Variants in CALD1 observed in about 807,000 individuals in gnomAD.
The protein encoded by CALD1 is caldesmon 1.
In CALD1, 33 loss-of-function variants were observed where a neutral mutation model predicts 99.9. The ratio of observed to expected loss-of-function variants is 0.33; its 90% CI spans 0.25 to 0.44. The LOEUF (loss-of-function observed/expected upper bound fraction) is 0.44, where lower values mean the gene tolerates loss of function less well. Among genes scored for constraint, CALD1 ranks in the 20% least tolerant of loss-of-function variants. The pLI, the probability that CALD1 is intolerant of heterozygous loss-of-function variation, is 1.00. For missense variants in CALD1, 861 were observed against 962.1 expected (o/e 0.89, Z 1.39); for synonymous variants, 310 against 325.0 (o/e 0.95, Z 0.50).
chr7:134,789,010 G>A (rs1387966739), intron 1 of CALD1, among the ~76,000 whole-genome samples: 1 of 125,032 alleles, frequency 8.0e-6, no homozygotes, highest in African/African-American at 3.1e-5. Context: ...GTGAGACCCT[G>A]TCTCAGAAAA....
intron 1 of CALD1, among the ~76,000 whole-genome samples, chr7:134,797,257 T>C (rs945340243): frequency 3.9e-5 from 6 of 152,220 alleles, no homozygotes; most frequent in South Asian, 2.1e-4. Context: ...TGTGCTGAGA[T>C]TACAGGCCTG....
At chr7:134,828,762 A>G (rs1338705406) in intron 1 of CALD1, among the ~76,000 whole-genome samples, 1 of 152,202 alleles carries the variant, frequency 6.6e-6, no homozygotes, top group Non-Finnish European at 1.5e-5. Flanking sequence ...CAACACTTGG[A>G]GAAAAGTAGC....
intron 1 of CALD1, among the ~76,000 whole-genome samples, chr7:134,797,897 G>T (rs558156775): frequency 6.6e-6 from 1 of 152,176 alleles, no homozygotes; most frequent in Non-Finnish European, 1.5e-5. Context: ...TGGCCAAATT[G>T]TTTATTTGTA....
chr7:134,802,654 A>T (rs907450129), intron 1 of CALD1, among the ~76,000 whole-genome samples: 1 of 152,216 alleles, frequency 6.6e-6, no homozygotes, highest in African/African-American at 2.4e-5. Context: ...CTTACCTTAA[A>T]TGTGCTCAGA....
intron 3 of CALD1, among the ~76,000 whole-genome samples, chr7:134,879,879 C>T (rs973770797): frequency 9.9e-5 from 15 of 152,148 alleles, no homozygotes; most frequent in African/African-American, 3.6e-4. Flanking sequence ...TAACTCCCTA[C>T]ATCACATACA....
At chr7:134,888,993 T>C (rs1446203100) in intron 3 of CALD1, among the ~76,000 whole-genome samples, 1 of 152,064 alleles carries the variant, frequency 6.6e-6, no homozygotes, top group Non-Finnish European at 1.5e-5. Context: ...TTTTTCTAGG[T>C]TTTTCCATTT....
intron 3 of CALD1, among the ~76,000 whole-genome samples, chr7:134,888,334 G>T (rs1320221615): frequency 1.3e-5 from 2 of 152,176 alleles, no homozygotes; most frequent in South Asian, 4.1e-4. Flanking sequence ...TGGTGCCAAT[G>T]AATAGTCATT....
intron 1 of CALD1, among the ~76,000 whole-genome samples, chr7:134,825,243 C>T (rs926091334): frequency 1.3e-5 from 2 of 152,028 alleles, no homozygotes; most frequent in African/African-American, 4.8e-5. Context: ...AGATGATGGC[C>T]AAGTTTATTA....
intron 1 of CALD1, among the ~76,000 whole-genome samples, chr7:134,842,563 C>A (rs571778743): frequency 6.6e-6 from 1 of 152,228 alleles, no homozygotes; most frequent in South Asian, 2.1e-4. Flanking sequence ...AAATCTGGGT[C>A]TTCTTGTTAG....
At chr7:134,740,272 T>C (rs1252681642), upstream of CALD1, among the ~76,000 whole-genome samples, 20 of 152,062 alleles carry the variant, frequency 1.3e-4, no homozygotes, top group Non-Finnish European at 2.5e-4. Context: ...GCTGATCAAA[T>C]ATGCAATGAC....
chr7:134,888,160 ATC>A (rs1801969671), intron 3 of CALD1, among the ~76,000 whole-genome samples: 1 of 152,202 alleles, frequency 6.6e-6, no homozygotes, highest in Non-Finnish European at 1.5e-5. Context: ...CCAGCCCAGA[ATC>A]TCTTTGATGA....
intron 9 of CALD1, among the ~76,000 whole-genome samples, chr7:134,954,718 C>T (rs963899228): frequency 3.9e-5 from 6 of 152,124 alleles, no homozygotes; most frequent in Admixed American, 3.3e-4. Flanking sequence ...TTCTCACCTC[C>T]GCTATCCCCT....
At chr7:134,916,586 G>A (rs564709852) in intron 3 of CALD1, among the ~76,000 whole-genome samples, 3 of 152,352 alleles carry the variant, frequency 2.0e-5, no homozygotes, top group East Asian at 1.9e-4. Context: ...CACAAGATAT[G>A]TGACTTGATT....
chr7:134,862,411 A>G (rs1427073232), intron 2 of CALD1, among the ~76,000 whole-genome samples: 1 of 152,230 alleles, frequency 6.6e-6, no homozygotes, highest in African/African-American at 2.4e-5. Context: ...TCAGCCATGA[A>G]AAGACTTGAA....
intron 11 of CALD1, among the ~76,000 whole-genome samples, 153 bp from the exon 12 acceptor site, chr7:134,959,821 C>T (rs1304362630): frequency 6.6e-6 from 1 of 152,132 alleles, no homozygotes; most frequent in Non-Finnish European, 1.5e-5. Context: ...CATCAGCATA[C>T]AGTTTTACAA....
At chr7:134,791,849 G>A (rs1009640456) in intron 1 of CALD1, among the ~76,000 whole-genome samples, 7 of 152,166 alleles carry the variant, frequency 4.6e-5, no homozygotes, top group South Asian at 2.1e-4. Context: ...CAATCATGGC[G>A]GAAGGCGAAT....
chr7:134,939,294 T>G (rs114757310), intron 6 of CALD1, among the ~76,000 whole-genome samples: 1 of 152,166 alleles, frequency 6.6e-6, no homozygotes, highest in East Asian at 1.9e-4. Context: ...AAGAGGGAAA[T>G]GACAGGATGA....
At chr7:134,722,344 T>G in the CALD1 span, among the ~76,000 whole-genome samples, 1 of 152,226 alleles carries the variant, frequency 6.6e-6, no homozygotes, top group Admixed American at 6.5e-5. Flanking sequence ...GATTTTAGTG[T>G]TCTCATCTTT....
chr7:134,967,894 A>C (rs1808791390), intron 14 of CALD1, among the ~76,000 whole-genome samples: 1 of 152,218 alleles, frequency 6.6e-6, no homozygotes, highest in Non-Finnish European at 1.5e-5. Flanking sequence ...CTGTAATTCC[A>C]ACACTTTGGG....
Sources: gnomAD v4.1 joint callset for allele counts (sites outside exome capture counted in the v4.1 genomes callset) on GRCh38, gnomAD v4.1.1 for gene constraint, MANE v1.5 for transcripts, NCBI Gene and HGNC (gene_info 2026-07-23, HGNC 2026-07-21) for gene names.